ESRRB: variants seen among roughly 807,000 people sequenced by gnomAD.
The protein encoded by ESRRB is steroid hormone receptor ERR2.
ESRRB carries 16 observed loss-of-function variants against 46.0 expected under a neutral mutation model. That is an observed-to-expected ratio of 0.35 (90% CI 0.24 to 0.53). The LOEUF is 0.53. ESRRB is among the 20% of genes least tolerant of loss of function. The probability of loss-of-function intolerance (pLI) is 0.93; values close to 1 mark genes in which losing one functional copy is unlikely to be tolerated. For synonymous variants in ESRRB, 246 were observed against 259.6 expected, an observed-to-expected ratio of 0.95 and a Z score of 0.50; for missense variants, 488 against 607.4, an observed-to-expected ratio of 0.80 and a Z score of 2.07.
chr14:76,453,526 T>A (rs1457887418), intron 2 of ESRRB, among the ~76,000 whole-genome samples: 1 of 152,122 alleles, frequency 6.6e-6, no homozygotes, highest in Non-Finnish European at 1.5e-5. Context: ...TTAACCAATC[T>A]GTTTTTCTCG....
chr14:76,442,245 G>A (rs1399303589), intron 2 of ESRRB, among the ~76,000 whole-genome samples: 1 of 152,180 alleles, frequency 6.6e-6, no homozygotes, highest in African/African-American at 2.4e-5. Flanking sequence ...GGAAGCCGAG[G>A]AGGGTGGATT....
intron 2 of ESRRB, among the ~76,000 whole-genome samples, chr14:76,444,414 A>C (rs1888047559): frequency 6.6e-6 from 1 of 152,076 alleles, no homozygotes; most frequent in Non-Finnish European, 1.5e-5. Flanking sequence ...AATGACCTAG[A>C]ATTGGACAAC....
intron 2 of ESRRB, among the ~76,000 whole-genome samples, chr14:76,445,466 C>CAAAAA (rs747627410): frequency 6.3e-5 from 5 of 79,750 alleles, no homozygotes; most frequent in African/African-American, 1.1e-4. Flanking sequence ...AACTCCGTCT[C>CAAAAA]AAAAAAAAAA....
intron 1 of ESRRB, among the ~76,000 whole-genome samples, chr14:76,366,008 C>T (rs149957530): frequency 1.8e-4 from 27 of 152,306 alleles, no homozygotes; most frequent in African/African-American, 6.0e-4. Flanking sequence ...AAGAGCCATT[C>T]CTGCCTCCGC....
chr14:76,429,097 C>T (rs187012572), intron 1 of ESRRB, among the ~76,000 whole-genome samples: 2 of 151,966 alleles, frequency 1.3e-5, no homozygotes. Context: ...AGAGACGGGG[C>T]TGTGTTAGCA....
chr14:76,493,387 T>A (rs922166567), intron 6 of ESRRB, among the ~76,000 whole-genome samples: 1 of 152,134 alleles, frequency 6.6e-6, no homozygotes, highest in African/African-American at 2.4e-5. Context: ...ACTCCTGGCC[T>A]CAAGTGATCC....
intron 3 of ESRRB, among the ~76,000 whole-genome samples, chr14:76,471,540 T>C (rs7158093): frequency 0.18 from 27,079 of 152,148 alleles, 2,505 homozygotes; most frequent in Middle Eastern, 0.24. Flanking sequence ...CTCCCTGGCT[T>C]ATTTTTGACC....
intron 1 of ESRRB, among the ~76,000 whole-genome samples, chr14:76,312,770 G>A (rs1369696427): frequency 6.6e-6 from 1 of 152,110 alleles, no homozygotes; most frequent in Non-Finnish European, 1.5e-5. Flanking sequence ...TCAAGTGAAT[G>A]AAGTGATTGA....
chr14:76,461,170 A>G (rs945160922), intron 2 of ESRRB, among the ~76,000 whole-genome samples: 1 of 152,178 alleles, frequency 6.6e-6, no homozygotes, highest in African/African-American at 2.4e-5. Flanking sequence ...TGGACTGTCA[A>G]CCCTCCCAGG....
At chr14:76,398,733 CT>C (rs1216126072) in intron 1 of ESRRB, among the ~76,000 whole-genome samples, 3 of 152,160 alleles carry the variant, frequency 2.0e-5, no homozygotes, top group African/African-American at 7.2e-5. Context: ...TGATAGAATC[CT>C]TGTGACAACC....
At chr14:76,464,412 A>C (rs1000860574) in intron 3 of ESRRB, among the ~76,000 whole-genome samples, 1 of 152,124 alleles carries the variant, frequency 6.6e-6, no homozygotes. Context: ...TGGACCTTCC[A>C]CTTCCGTTTA....
chr14:76,494,467 C>T (rs368658791), intron 6 of ESRRB, among the ~76,000 whole-genome samples: 6 of 151,956 alleles, frequency 3.9e-5, no homozygotes, highest in Admixed American at 1.3e-4. Context: ...CCACCACGCC[C>T]GGCTAATTTT....
At chr14:76,347,867 G>C (rs902181727) in intron 1 of ESRRB, among the ~76,000 whole-genome samples, 2 of 151,924 alleles carry the variant, frequency 1.3e-5, no homozygotes, top group Non-Finnish European at 2.9e-5. Flanking sequence ...CTACCTGAGG[G>C]CACAGACCAT....
intron 1 of ESRRB, among the ~76,000 whole-genome samples, chr14:76,379,718 G>A (rs1445956764): frequency 5.3e-5 from 8 of 152,114 alleles, no homozygotes; most frequent in African/African-American, 1.2e-4. Context: ...CCCCGGTCCC[G>A]GGTAAGGCCC....
upstream of ESRRB, among the ~76,000 whole-genome samples, chr14:76,371,113 C>T (rs918843298): frequency 5.3e-5 from 8 of 152,332 alleles, no homozygotes; most frequent in African/African-American, 1.4e-4. Context: ...AGGACATGAG[C>T]CTTCTTGCCC....
chr14:76,347,870 C>T (rs2139757962), intron 1 of ESRRB, among the ~76,000 whole-genome samples: 1 of 152,140 alleles, frequency 6.6e-6, no homozygotes, highest in South Asian at 2.1e-4. Context: ...CCTGAGGGCA[C>T]AGACCATGTG....
chr14:76,416,288 A>C (rs985682689), intron 1 of ESRRB, among the ~76,000 whole-genome samples: 2 of 151,618 alleles, frequency 1.3e-5, no homozygotes, highest in African/African-American at 2.4e-5. Context: ...GGCGCCCACC[A>C]CCACACCCAG....
At chr14:76,345,910 T>C (rs1420529578) in intron 1 of ESRRB, among the ~76,000 whole-genome samples, 1 of 152,168 alleles carries the variant, frequency 6.6e-6, no homozygotes, top group Non-Finnish European at 1.5e-5. Flanking sequence ...CTGTCACAAA[T>C]TGCCACACAC....
intron 1 of ESRRB, among the ~76,000 whole-genome samples, chr14:76,418,726 G>A (rs568136049): frequency 6.6e-6 from 1 of 151,600 alleles, no homozygotes; most frequent in South Asian, 2.1e-4. Flanking sequence ...AGTGATTCTC[G>A]TGCCTCAGCC....
Sources: allele counts gnomAD v4.1 joint callset (sites outside exome capture counted in the v4.1 genomes callset), GRCh38; gene constraint gnomAD v4.1.1; transcripts MANE v1.5; gene names NCBI Gene and HGNC (gene_info 2026-07-23, HGNC 2026-07-21).